Variants in PLEKHM3 observed in about 807,000 individuals in gnomAD.
PLEKHM3 encodes pleckstrin homology domain-containing family M member 3.
Under a neutral mutation model 81.8 loss-of-function variants are expected in PLEKHM3, and 45 were observed. That is an observed-to-expected ratio of 0.55 (90% CI 0.43 to 0.71). The LOEUF (loss-of-function observed/expected upper bound fraction) is 0.71, where lower values mean the gene tolerates loss of function less well. PLEKHM3 is among the 30% of genes least tolerant of loss of function. The pLI is 0.00. For missense variants in PLEKHM3, 788 were observed against 924.3 expected (o/e 0.85, Z 1.91); for synonymous variants, 352 against 356.4 (o/e 0.99, Z 0.14).
chr2:207,901,436 C>CAGTA (rs1374773743), intron 6 of PLEKHM3: 2 of 679,078 alleles, frequency 2.9e-6, no homozygotes, highest in Non-Finnish European at 2.7e-6. Flanking sequence ...TTATGCTCAG[C>CAGTA]AGGTAGTAAG....
chr2:207,994,160 T>G (rs1226074661), intron 2 of PLEKHM3, among the ~76,000 whole-genome samples: 2 of 152,240 alleles, frequency 1.3e-5, no homozygotes, highest in Non-Finnish European at 2.9e-5. Context: ...TTGGATAACC[T>G]TTCGGGTCCT....
intron 7 of PLEKHM3, among the ~76,000 whole-genome samples, chr2:207,833,583 A>C (rs186283476): frequency 1.6e-3 from 239 of 152,224 alleles, no homozygotes; most frequent in African/African-American, 5.3e-3. Context: ...TTGAGTTATA[A>C]TCCTTTGATG....
chr2:207,986,495 T>C (rs769014223), intron 2 of PLEKHM3, among the ~76,000 whole-genome samples: 2 of 152,194 alleles, frequency 1.3e-5, no homozygotes, highest in East Asian at 1.9e-4. Context: ...ACAACTGTTA[T>C]ATAGGCTCAA....
chr2:207,865,803 GATATATATAT>G lies in PLEKHM3; in HGVS notation c.1951-4551_1951-4542del, dbSNP rs71036961. ...ACTCAAAAAAAAAAAAAAAAAAAAA[GATATATATAT>G]ATATATATATATATATATATATATA... On this transcript the variant is annotated intron_variant, in intron 6 of 7. Transcript: ENST00000427836. Among the ~76,000 whole-genome samples, 4 of 29,412 alleles carry G rather than the reference GATATATATAT, an allele frequency of 1.4e-4. No homozygotes were observed. In the South Asian group the frequency reaches 5.7e-3, roughly 42 times the overall value. The allele number at this position is 29,412 out of a possible 152,430, so 19.3% of individuals were successfully genotyped here. A position where few individuals can be genotyped will look rare whatever the true frequency, so the allele number is the denominator to read the frequency against.
At chr2:207,891,538 T>C (rs942486967) in intron 6 of PLEKHM3, among the ~76,000 whole-genome samples, 5 of 152,204 alleles carry the variant, frequency 3.3e-5, no homozygotes, top group Admixed American at 3.3e-4. Context: ...TATGCTAAAC[T>C]GCTTTTCAGA....
At chr2:207,837,626 T>C (rs2092326457) in intron 7 of PLEKHM3, among the ~76,000 whole-genome samples, 2 of 104,206 alleles carry the variant, frequency 1.9e-5, no homozygotes, top group South Asian at 3.4e-4. Context: ...ATTACAATAG[T>C]TCTCCCTTTT....
At chr2:207,935,824 AT>A (rs1295974201) in intron 4 of PLEKHM3, among the ~76,000 whole-genome samples, 3 of 152,198 alleles carry the variant, frequency 2.0e-5, no homozygotes, top group Non-Finnish European at 4.4e-5. Flanking sequence ...TCCCTTCTCC[AT>A]CTTACAGCAA....
In PLEKHM3 at chr2:207,825,225, G is replaced by A. The variant is rs187133034; in HGVS notation, c.*3094C>T. On this transcript the variant is annotated 3_prime_UTR_variant, in exon 8 of 8. Transcript: ENST00000427836. ...TTTTAGGAACTGGCTTCTTTACTGC[G>A]GGGTTAGATGCCAACATTTCACCAG... The A allele has an allele frequency of 8.5e-5, 13 of 152,162 alleles. No individual in the cohort carries two copies. In the East Asian group the frequency reaches 1.5e-3, roughly 18 times the overall value. The allele number at this position is 152,162 out of a possible 1,614,324, so 9.4% of individuals were successfully genotyped here.
intron 6 of PLEKHM3, among the ~76,000 whole-genome samples, chr2:207,897,483 C>T (rs1370138153): frequency 6.6e-6 from 1 of 152,210 alleles, no homozygotes; most frequent in Non-Finnish European, 1.5e-5. Context: ...GGCCTCACAA[C>T]AACCTTCGGG....
At chr2:207,880,290 C>T (rs1379215303) in intron 6 of PLEKHM3, among the ~76,000 whole-genome samples, 1 of 151,968 alleles carries the variant, frequency 6.6e-6, no homozygotes, top group Non-Finnish European at 1.5e-5. Flanking sequence ...GCCTATAATC[C>T]CAGCTACTGG....
chr2:207,907,562 C>T (rs1215895413), intron 6 of PLEKHM3, among the ~76,000 whole-genome samples: 1 of 152,070 alleles, frequency 6.6e-6, no homozygotes, highest in African/African-American at 2.4e-5. Context: ...ATGATTTCAA[C>T]TCTTACATGC....
At chr2:207,846,290 C>A (rs1027873948) in intron 7 of PLEKHM3, among the ~76,000 whole-genome samples, 1 of 151,828 alleles carries the variant, frequency 6.6e-6, no homozygotes, top group Non-Finnish European at 1.5e-5. Flanking sequence ...TACAGGCGCC[C>A]GCCACCACAC....
At chr2:208,013,629 A>C (rs1048853604) in intron 1 of PLEKHM3, among the ~76,000 whole-genome samples, 2 of 152,210 alleles carry the variant, frequency 1.3e-5, no homozygotes, top group Admixed American at 6.5e-5. Context: ...TAACAACCAC[A>C]CATGGAAGGC....
intron 2 of PLEKHM3, among the ~76,000 whole-genome samples, chr2:207,996,414 A>G (rs375685912): frequency 6.6e-6 from 1 of 152,214 alleles, no homozygotes; most frequent in African/African-American, 2.4e-5. Context: ...AAAGAAGTTA[A>G]TATCTTTAAT....
At chr2:207,910,467 T>C (rs1574397325) in intron 5 of PLEKHM3, among the ~76,000 whole-genome samples, 1 of 152,202 alleles carries the variant, frequency 6.6e-6, no homozygotes, top group Non-Finnish European at 1.5e-5. Flanking sequence ...TAGCCCTGGA[T>C]GGTAAACACA....
intron 5 of PLEKHM3, among the ~76,000 whole-genome samples, chr2:207,908,967 G>A (rs1187248284): frequency 2.6e-5 from 4 of 152,144 alleles, no homozygotes; most frequent in Non-Finnish European, 5.9e-5. Flanking sequence ...GTGGTTTAAT[G>A]TGATGTCTCC....
intron 7 of PLEKHM3, among the ~76,000 whole-genome samples, chr2:207,834,509 T>G (rs1463710927): frequency 6.7e-6 from 1 of 148,796 alleles, no homozygotes. Flanking sequence ...CACCGCAACC[T>G]CCACCTCCTG....
At chr2:207,904,775 G>A (rs1688550542) in intron 6 of PLEKHM3, among the ~76,000 whole-genome samples, 3 of 152,190 alleles carry the variant, frequency 2.0e-5, no homozygotes. Context: ...TGTAACAAAA[G>A]CAGCGGTAAG....
chr2:207,857,579 A>T (rs568079698), intron 7 of PLEKHM3, among the ~76,000 whole-genome samples: 1 of 152,136 alleles, frequency 6.6e-6, no homozygotes, highest in Admixed American at 6.5e-5. Context: ...CTTCTCGTTG[A>T]GTCAGTTTTG....
Sources: gnomAD v4.1 joint callset for allele counts (sites outside exome capture counted in the v4.1 genomes callset) on GRCh38, gnomAD v4.1.1 for gene constraint, MANE v1.5 for transcripts, NCBI Gene and HGNC (gene_info 2026-07-23, HGNC 2026-07-21) for gene names.